KMT2A: variants seen among roughly 807,000 people sequenced by gnomAD.
KMT2A encodes lysine methyltransferase 2A, also known as histone-lysine N-methyltransferase 2A.
A neutral mutation model predicts 345.3 loss-of-function variants in KMT2A; 16 were observed. The observed-to-expected ratio is 0.05, with a 90% confidence interval of 0.03 to 0.07. KMT2A has a LOEUF of 0.07. KMT2A is among the 10% of genes least tolerant of loss of function. The pLI is 1.00. For missense variants in KMT2A, 3,272 were observed against 4,841.6 expected, an observed-to-expected ratio of 0.68 and a Z score of 9.62; for synonymous variants, 1,599 against 1,778.6, an observed-to-expected ratio of 0.90 and a Z score of 2.54.
chr11:118,489,447 A>C (rs768896167), intron 11 of KMT2A, among the ~76,000 whole-genome samples: 9 of 152,056 alleles, frequency 5.9e-5, no homozygotes, highest in Admixed American at 5.9e-4. Context: ...TTTTGTATCT[A>C]TATTATTTCT....
At chr11:118,485,159 T>C (rs1555040553) in intron 10 of KMT2A, among the ~76,000 whole-genome samples, 184 bp downstream of exon 10, 3 of 152,220 alleles carry the variant, frequency 2.0e-5, no homozygotes, top group African/African-American at 7.2e-5. Flanking sequence ...AGCAAAGTTA[T>C]TGAGAGTGAA....
intron 1 of KMT2A, among the ~76,000 whole-genome samples, chr11:118,452,290 C>G (rs1443387622): frequency 6.6e-6 from 1 of 152,184 alleles, no homozygotes; most frequent in Non-Finnish European, 1.5e-5. Flanking sequence ...AATGCCAGCA[C>G]TTTGGGAGGC....
intron 1 of KMT2A, among the ~76,000 whole-genome samples, chr11:118,458,705 G>C (rs1949692101): frequency 6.6e-6 from 1 of 152,176 alleles, no homozygotes; most frequent in Non-Finnish European, 1.5e-5. Flanking sequence ...GCAACATTAA[G>C]ACCTTGGTAT....
At position 118,520,627 on chromosome 11, in the gene KMT2A, G is replaced by A; in HGVS notation, c.11430-175G>A. Reference sequence around the variant, plus strand: ...GATCGCACCACTGGACTCCAGCCTGGGCGACAGAGCGAAACTCCATCTCAA... The same window carrying A: ...GATCGCACCACTGGACTCCAGCCTGAGCGACAGAGCGAAACTCCATCTCAA... On this transcript the variant is annotated intron_variant, in intron 33 of 35. Coordinates refer to ENST00000534358, the MANE Select transcript of KMT2A (RefSeq NM_001197104.2). The surrounding 1 kb of genome is among the most constrained non-coding windows in gnomAD (Gnocchi z 4.3). 1.7e-6 allele frequency: 1 copy of A among 595,346 alleles called. No homozygotes were observed. Among genetic ancestry groups the A allele is most frequent in the South Asian group, 2.1e-5 (1 of 46,672 alleles). The allele number at this position is 595,346 out of a possible 1,614,324, so 36.9% of individuals were successfully genotyped here. A position where few individuals can be genotyped will look rare whatever the true frequency, so the allele number is the denominator to read the frequency against.
At position 118,520,076 on chromosome 11, in the gene KMT2A, G is replaced by T. The variant is rs1555053018; in HGVS notation, c.11429+12G>T. On this transcript the variant is annotated intron_variant, in intron 33 of 35. Transcript: ENST00000534358. This position sits in a 1 kb window ranked among gnomAD's most constrained non-coding sequence, Gnocchi z 4.3. ...CTGAAGTCAGCTCGGTAAGTCTTGAGTGGGGAGCAGTCATTAGAAACTGCT... is the reference window on the plus strand; with the variant it reads ...CTGAAGTCAGCTCGGTAAGTCTTGATTGGGGAGCAGTCATTAGAAACTGCT... 1 of 1,568,254 alleles carries T rather than the reference G, an allele frequency of 6.4e-7. No individual in the cohort carries two copies. Among genetic ancestry groups the T allele is most frequent in the Non-Finnish European group, 8.8e-7 (1 of 1,139,056 alleles).
rs782253408 is a variant in KMT2A at position 118,490,298 on chromosome 11, T to A, written c.4696+49T>A. 1 of 1,508,804 alleles carries A rather than the reference T, an allele frequency of 6.6e-7. No homozygotes were observed. Among genetic ancestry groups the A allele is most frequent in the Non-Finnish European group, 8.8e-7 (1 of 1,137,274 alleles). The allele number at this position is 1,508,804 out of a possible 1,614,324, so 93.5% of individuals were successfully genotyped here. A position where few individuals can be genotyped will look rare whatever the true frequency, so the allele number is the denominator to read the frequency against. ...CAGCTTTCGGAGGTTGTACTTGGTG[T>A]TCTGGAGGTGAACTAGACTCTAGTG... On this transcript the variant is annotated intron_variant, in intron 13 of 35. Transcript: ENST00000534358. This position sits in a 1 kb window ranked among gnomAD's most constrained non-coding sequence, Gnocchi z 4.2.
In KMT2A at chr11:118,493,343, G is replaced by A. The variant is rs1950354811; in HGVS notation, c.5178+113G>A. The A allele has an allele frequency of 6.4e-6, 5 of 786,330 alleles. No homozygotes were observed. Among genetic ancestry groups the A allele is most frequent in the Non-Finnish European group, 9.6e-6 (5 of 519,146 alleles). The allele number at this position is 786,330 out of a possible 1,614,324, so 48.7% of individuals were successfully genotyped here. A position where few individuals can be genotyped will look rare whatever the true frequency, so the allele number is the denominator to read the frequency against. ...TTAAAAATGAATTGTATTATATTTA[G>A]AAATGTCACGTGGCTTTAGATACCT... On this transcript the variant is annotated intron_variant, in intron 16 of 35. Transcript: ENST00000534358. The surrounding 1 kb of genome is among the most constrained non-coding windows in gnomAD (Gnocchi z 5.8).
rs575912762 is a variant in KMT2A, at chr11:118,438,254, G to A, written c.432+1310G>A. On this transcript the variant is annotated intron_variant, in intron 1 of 35. Coordinates refer to ENST00000534358, the MANE Select transcript of KMT2A (RefSeq NM_001197104.2). ...GTAAGGGGACCCAAGGTGGATGAAG[G>A]GTCAGAGCGTTGCCCCTTCCCCATT... Among the ~76,000 whole-genome samples the A allele has an allele frequency of 1.7e-4, 26 of 152,238 alleles. No individual in the cohort carries two copies. The South Asian group carries it at 3.5e-3, about 21-fold the overall frequency.
Position 118,473,926 on chromosome 11 carries a change from ACTTCAT to A in KMT2A, c.2772_2777del (p.Ser925_Ser926del). 2 of 1,614,130 alleles carry A rather than the reference ACTTCAT, an allele frequency of 1.2e-6. No individual in the cohort carries two copies. The highest frequency in any genetic ancestry group is 1.7e-6 in the Non-Finnish European group (2 of 1,179,988). Reference sequence around the variant, plus strand: ...GAAGGTTGTTGGTGAAGATGTTGCCACTTCATCTTCTGCCAAAAAAGCAACAGGGCG... The same window carrying A: ...GAAGGTTGTTGGTGAAGATGTTGCCACTTCTGCCAAAAAAGCAACAGGGCG... On this transcript the variant is annotated inframe_deletion, in exon 3 of 36. Coordinates refer to ENST00000534358, the MANE Select transcript of KMT2A (RefSeq NM_001197104.2). This position sits in a 1 kb window ranked among gnomAD's most constrained non-coding sequence, Gnocchi z 5.2.
Position 118,436,752 on chromosome 11 carries a change from C to G in KMT2A, c.240C>G (p.Ala80=). The change falls in exon 1 of 36, where the codon GCC becomes GCG. Residue 80 remains alanine (A), a synonymous_variant. Coordinates refer to ENST00000534358, the MANE Select transcript of KMT2A (RefSeq NM_001197104.2). The surrounding 1 kb of genome is among the most constrained non-coding windows in gnomAD (Gnocchi z 6.9). ...CTGGGGTTCCAGGGGGAGCGGCCGC[C>G]GCCTCAGCAGCCTCCTCGTCGTCCG... The part of the protein sequence containing the change: ...SGAGVPGGAA[A]ASAASSSSAS... 6.3e-7 allele frequency: 1 copy of G among 1,591,772 alleles called. No individual in the cohort carries two copies. The highest frequency in any genetic ancestry group is 8.5e-7 in the Non-Finnish European group (1 of 1,169,798).
chr11:118,439,359 A>G (rs1949269669), intron 1 of KMT2A, among the ~76,000 whole-genome samples: 1 of 152,120 alleles, frequency 6.6e-6, no homozygotes, highest in Non-Finnish European at 1.5e-5. Context: ...ATGCTTATTT[A>G]TTTTGTATAG....
intron 28 of KMT2A, 56 bp from the exon 29 acceptor site, chr11:118,509,080 T>C: frequency 6.6e-7 from 1 of 1,521,974 alleles, no homozygotes; most frequent in South Asian, 1.1e-5. Flanking sequence ...TTCTGGGTTT[T>C]TTCTTTGAAT....
intron 1 of KMT2A, among the ~76,000 whole-genome samples, chr11:118,447,174 C>A (rs1555027387): frequency 6.6e-6 from 1 of 152,114 alleles, no homozygotes; most frequent in Admixed American, 6.6e-5. Flanking sequence ...TGTATGTTAT[C>A]CTTAAAAAAT....
intron 31 of KMT2A, among the ~76,000 whole-genome samples, chr11:118,517,222 C>G (rs1478776764): frequency 1.3e-5 from 2 of 151,522 alleles, no homozygotes; most frequent in Non-Finnish European, 2.9e-5. Flanking sequence ...AGTGAAACCC[C>G]GTCTCTACTA....
chr11:118,525,547 G>A lies in KMT2A; in HGVS notation c.*3375G>A, dbSNP rs1166576693. 1.4e-5 allele frequency: 3 copies of A among 221,012 alleles called. No homozygotes were observed. The highest frequency in any genetic ancestry group is 1.8e-4 in the South Asian group (1 of 5,414). The allele number at this position is 221,012 out of a possible 1,614,324, so 13.7% of individuals were successfully genotyped here. A position where few individuals can be genotyped will look rare whatever the true frequency, so the allele number is the denominator to read the frequency against. ...CCAGCCCGCCACCCTGCTCGCCTCC[G>A]TCAAACCCCCGGCCAATGCAGTGAG... On this transcript the variant is annotated 3_prime_UTR_variant, in exon 36 of 36. Transcript: ENST00000534358.
At position 118,484,371 on chromosome 11, in the gene KMT2A, A is replaced by T; in HGVS notation, c.4218+57A>T. 4.5e-6 allele frequency: 7 copies of T among 1,563,516 alleles called. No individual in the cohort carries two copies. In the South Asian group the frequency reaches 8.0e-5, roughly 18 times the overall value. On this transcript the variant is annotated intron_variant, in intron 9 of 35. Coordinates refer to ENST00000534358, the MANE Select transcript of KMT2A (RefSeq NM_001197104.2). The surrounding 1 kb of genome is among the most constrained non-coding windows in gnomAD (Gnocchi z 4.1). ...GAGTGTCAAAGACTTTAAATAAAGAAAATGCTACTACCAAAGGTGTTGAAA... is the reference window on the plus strand; with the variant it reads ...GAGTGTCAAAGACTTTAAATAAAGATAATGCTACTACCAAAGGTGTTGAAA...
At position 118,501,080 on chromosome 11, in the gene KMT2A, G is replaced by A. The variant is rs782092743; in HGVS notation, c.6252G>A (p.Pro2084=). 38 of 1,613,920 alleles carry A rather than the reference G, an allele frequency of 2.4e-5. 1 individual carries two copies. The highest frequency in any genetic ancestry group is 1.5e-4 in the South Asian group (14 of 91,082). Reference sequence around the variant, plus strand: ...AGTGCCGTCCTCCAGTCGTAGAGCCGGATATCAACAGCACTGTTGAACATG... The same window carrying A: ...AGTGCCGTCCTCCAGTCGTAGAGCCAGATATCAACAGCACTGTTGAACATG... ...IVECRPPVVE[P]DINSTVEHDE... is the part of the protein sequence containing the mutation. Residue 2084 remains proline (P), a synonymous_variant, in exon 25 of 36, where the codon CCG becomes CCA. Transcript: ENST00000534358.
At position 118,472,356 on chromosome 11, in the gene KMT2A, G is replaced by A. The variant is rs782757827; in HGVS notation, c.1197G>A (p.Val399=). Reference sequence around the variant, plus strand: ...CAGCTCAGCTGCAGGGAAGAAAGGTGAAGACACAGGTCAAAAATATTCGAC... The same window carrying A: ...CAGCTCAGCTGCAGGGAAGAAAGGTAAAGACACAGGTCAAAAATATTCGAC... ...KEAAQLQGRK[V]KTQVKNIRQF... Residue 399 remains valine (V), a synonymous_variant, in exon 3 of 36, where the codon GTG becomes GTA. Transcript: ENST00000534358. 77 of 1,613,944 alleles carry A rather than the reference G, an allele frequency of 4.8e-5. No individual in the cohort carries two copies. The South Asian group carries it at 8.3e-4, about 17-fold the overall frequency.
intron 1 of KMT2A, among the ~76,000 whole-genome samples, chr11:118,465,304 G>A (rs1252964395): frequency 1.3e-5 from 2 of 152,136 alleles, no homozygotes; most frequent in Non-Finnish European, 2.9e-5. Context: ...AAAAAAGACT[G>A]CATTAAAATG....
Sources: gnomAD v4.1 joint callset for allele counts (sites outside exome capture counted in the v4.1 genomes callset) on GRCh38, gnomAD v4.1.1 for gene constraint, Gnocchi (gnomAD v3.1) non-coding constraint, MANE v1.5 for transcripts, NCBI Gene and HGNC (gene_info 2026-07-23, HGNC 2026-07-21) for gene names.